Variants in CNTN6 observed in about 807,000 individuals in gnomAD.
CNTN6 encodes the protein contactin 6.
CNTN6 carries 137 observed loss-of-function variants against 122.8 expected under a neutral mutation model. That is an observed-to-expected ratio of 1.12 (90% confidence interval 0.97 to 1.29). The LOEUF (loss-of-function observed/expected upper bound fraction) is 1.29, where lower values mean the gene tolerates loss of function less well. CNTN6 is among the 50% of genes most tolerant of loss of function. The pLI is 0.00. For synonymous variants in CNTN6, 570 were observed against 426.0 expected (o/e 1.34, Z -4.16); for missense variants, 1,634 against 1,223.4 (o/e 1.34, Z -5.01).
chr3:1,369,637 C>A (rs1315028705), intron 12 of CNTN6, among the ~76,000 whole-genome samples: 1 of 152,108 alleles, frequency 6.6e-6, no homozygotes, highest in African/African-American at 2.4e-5. Context: ...AATGGAAGGA[C>A]TTGCTGTCAT....
rs781125618 is a variant in CNTN6 at position 1,295,646 on chromosome 3, A to G, written c.500A>G (p.Gln167Arg). 1 of 1,613,832 alleles carries G rather than the reference A, an allele frequency of 6.2e-7. No homozygotes were observed. The highest frequency in any genetic ancestry group is 1.3e-5 in the African/African-American group (1 of 74,930). Residue 167 changes from glutamine (Q) to arginine (R), a missense_variant, in exon 6 of 23, where the codon CAA becomes CGA. By Grantham distance (43) the Gln-to-Arg change is conservative. Coordinates refer to ENST00000446702, the MANE Select transcript of CNTN6 (RefSeq NM_001289080.2). Reference protein sequence around the residue: ...WTFNDNPLYVQEDNRRFVSQE... With the variant: ...WTFNDNPLYVREDNRRFVSQE... Reference sequence around the variant, plus strand: ...TTCAATGATAACCCCTTATACGTCCAAGAGGACAATAGGCGATTTGTATCT... The same window carrying G: ...TTCAATGATAACCCCTTATACGTCCGAGAGGACAATAGGCGATTTGTATCT...
chr3:1,239,585 AT>A (rs1274299368), intron 4 of CNTN6, among the ~76,000 whole-genome samples: 1 of 152,206 alleles, frequency 6.6e-6, no homozygotes, highest in African/African-American at 2.4e-5. Context: ...TATTGTGAAA[AT>A]GACCACACTG....
At chr3:1,108,289 G>A (rs983462711) in intron 1 of CNTN6, among the ~76,000 whole-genome samples, 2 of 151,842 alleles carry the variant, frequency 1.3e-5, no homozygotes, top group Non-Finnish European at 2.9e-5. Flanking sequence ...TGGAATATTC[G>A]CATATATATA....
chr3:1,220,788 A>T lies in CNTN6; in HGVS notation c.157A>T (p.Asn53Tyr). Reference sequence around the variant, plus strand: ...TGAGGTCATCCTGAATTGTGCTGCTAATGGTTACCCTTCGCCTCATTATAG... The same window carrying T: ...TGAGGTCATCCTGAATTGTGCTGCTTATGGTTACCCTTCGCCTCATTATAG... The part of the protein sequence containing the change: ...KSEVILNCAA[N>Y]GYPSPHYRWK... Residue 53 changes from asparagine (N) to tyrosine (Y), a missense_variant, in exon 3 of 23, where the codon AAT becomes TAT. By Grantham distance (143) the Asn-to-Tyr change is moderately radical. Transcript: ENST00000446702. 3 of 1,611,602 alleles carry T rather than the reference A, an allele frequency of 1.9e-6. No individual in the cohort carries two copies. Among genetic ancestry groups the T allele is most frequent in the Non-Finnish European group, 2.5e-6 (3 of 1,178,784 alleles).
intron 11 of CNTN6, among the ~76,000 whole-genome samples, chr3:1,346,416 G>C (rs2126055556): frequency 6.6e-6 from 1 of 152,228 alleles, no homozygotes; most frequent in South Asian, 2.1e-4. Flanking sequence ...GGTTGAGTGA[G>C]TTCTTGCTCT....
At chr3:1,196,514 T>C (rs2093780862) in intron 2 of CNTN6, among the ~76,000 whole-genome samples, 1 of 152,192 alleles carries the variant, frequency 6.6e-6, no homozygotes, top group Non-Finnish European at 1.5e-5. Flanking sequence ...TCTCTAAAAG[T>C]GACTGGCAGA....
intron 1 of CNTN6, among the ~76,000 whole-genome samples, chr3:1,124,817 A>C (rs1025401380): frequency 6.6e-6 from 1 of 151,860 alleles, no homozygotes. Flanking sequence ...CCTTAGACCA[A>C]ATGAGTTACT....
intron 2 of CNTN6, among the ~76,000 whole-genome samples, chr3:1,149,164 A>G (rs1017638602): frequency 2.0e-5 from 3 of 152,214 alleles, no homozygotes; most frequent in African/African-American, 7.2e-5. Flanking sequence ...TAAACAACCA[A>G]CCATAGTCTG....
chr3:1,102,675 C>A (rs989871216), intron 1 of CNTN6, among the ~76,000 whole-genome samples: 1 of 149,578 alleles, frequency 6.7e-6, no homozygotes, highest in Non-Finnish European at 1.5e-5. Context: ...TTGCAGTGAG[C>A]AGAGATGGCG....
At chr3:1,106,045 C>A (rs144892460) in intron 1 of CNTN6, among the ~76,000 whole-genome samples, 74 of 152,246 alleles carry the variant, frequency 4.9e-4, no homozygotes, top group African/African-American at 1.8e-3. Context: ...TTCATCACTA[C>A]AAATTGTATT....
chr3:1,391,022 G>T (rs1175866580), intron 20 of CNTN6, among the ~76,000 whole-genome samples: 1 of 100,668 alleles, frequency 9.9e-6, no homozygotes, highest in Non-Finnish European at 2.0e-5. Context: ...CCAATCAATA[G>T]AAAAAGAGGG....
In CNTN6 at chr3:1,373,770, A is replaced by C. The variant is rs760127650; in HGVS notation, c.1945+8A>C. ...GGCAGGCTGTTGCTACAGGTGAGTG[A>C]CAAAAGTGTTTTGGGTCACTTTAAA... On this transcript the variant is annotated splice_region_variant and intron_variant, in intron 15 of 22. Transcript: ENST00000446702. 1 of 1,585,280 alleles carries C rather than the reference A, an allele frequency of 6.3e-7. No homozygotes were observed. The highest frequency in any genetic ancestry group is 1.2e-5 in the South Asian group (1 of 84,662).
intron 2 of CNTN6, among the ~76,000 whole-genome samples, chr3:1,172,889 G>A (rs1440457130): frequency 6.6e-6 from 1 of 152,152 alleles, no homozygotes; most frequent in East Asian, 1.9e-4. Flanking sequence ...GTCTGTTGGT[G>A]TCTCACTTGG....
chr3:1,169,675 T>G (rs1202538662), intron 2 of CNTN6, among the ~76,000 whole-genome samples: 1 of 152,192 alleles, frequency 6.6e-6, no homozygotes, highest in Non-Finnish European at 1.5e-5. Context: ...ATACTATTTT[T>G]AAAATAAAAA....
chr3:1,247,731 G>A (rs2094602223), intron 4 of CNTN6, among the ~76,000 whole-genome samples: 1 of 152,156 alleles, frequency 6.6e-6, no homozygotes, highest in African/African-American at 2.4e-5. Flanking sequence ...TGATTCCGTG[G>A]ATTATAGTCC....
At chr3:1,290,571 C>G (rs1483534659) in intron 5 of CNTN6, among the ~76,000 whole-genome samples, 1 of 152,064 alleles carries the variant, frequency 6.6e-6, no homozygotes, top group Non-Finnish European at 1.5e-5. Context: ...GGATCTTGTA[C>G]AAGAAAGAAT....
intron 1 of CNTN6, among the ~76,000 whole-genome samples, chr3:1,095,702 G>A (rs2090490774): frequency 1.3e-5 from 2 of 152,038 alleles, no homozygotes; most frequent in Non-Finnish European, 2.9e-5. Flanking sequence ...TTGGATGCAC[G>A]TTTAAATAGT....
intron 20 of CNTN6, among the ~76,000 whole-genome samples, chr3:1,398,345 T>C (rs1295769935): frequency 6.6e-6 from 1 of 152,290 alleles, no homozygotes; most frequent in African/African-American, 2.4e-5. Context: ...GAAACATCCA[T>C]TGATAAAAAT....
At position 1,403,473 on chromosome 3, in the gene CNTN6, A is replaced by G; in HGVS notation, c.*55A>G. On this transcript the variant is annotated 3_prime_UTR_variant, in exon 23 of 23. Coordinates refer to ENST00000446702, the MANE Select transcript of CNTN6 (RefSeq NM_001289080.2). ...TTTGAAAGCAAATCATTCTGTATAT[A>G]TGCTCTCCAGCCTCTGACACAAGAT... 1 of 1,126,816 alleles carries G rather than the reference A, an allele frequency of 8.9e-7. No individual in the cohort carries two copies. 69.8% of individuals were successfully genotyped at this position (1,126,816 alleles called of 1,614,324 possible).
Sources: allele counts gnomAD v4.1 joint callset (sites outside exome capture counted in the v4.1 genomes callset), GRCh38; gene constraint gnomAD v4.1.1; transcripts MANE v1.5; gene names NCBI Gene and HGNC (gene_info 2026-07-23, HGNC 2026-07-21).